The following MACROD2 variants were observed in gnomAD, a reference collection of about 807,000 sequenced individuals.
The protein encoded by MACROD2 is mono-ADP ribosylhydrolase 2, also known as ADP-ribose glycohydrolase MACROD2.
In MACROD2, 36 loss-of-function variants were observed where a neutral mutation model predicts 70.4. That is an observed-to-expected ratio of 0.51 (90% CI 0.39 to 0.68). The LOEUF (loss-of-function observed/expected upper bound fraction) is 0.68, where lower values mean the gene tolerates loss of function less well. MACROD2 is among the 30% of genes least tolerant of loss of function. The pLI is 0.00. For missense variants in MACROD2, 496 were observed against 538.4 expected (o/e 0.92, Z 0.78); for synonymous variants, 172 against 178.8 (o/e 0.96, Z 0.30).
At chr20:14,146,588 C>A (rs1268022841) in intron 3 of MACROD2, among the ~76,000 whole-genome samples, 2 of 152,130 alleles carry the variant, frequency 1.3e-5, no homozygotes, top group Non-Finnish European at 2.9e-5. Flanking sequence ...ACTGTAGAAT[C>A]CACTGACTGA....
chr20:15,639,281 G>A (rs2049417203), intron 8 of MACROD2, among the ~76,000 whole-genome samples: 1 of 152,204 alleles, frequency 6.6e-6, no homozygotes, highest in South Asian at 2.1e-4. Flanking sequence ...TGAAATGGTA[G>A]GGAGGGTTAG....
rs547010719 is a variant in MACROD2 at position 14,225,400 on chromosome 20, T to C, written c.271+139672T>C. On this transcript the variant is annotated intron_variant, in intron 3 of 17. Coordinates refer to ENST00000684519, the MANE Select transcript of MACROD2 (RefSeq NM_001351661.2). ...CATCTAATAGCTTTCCTTGATACTTTTTATTTTTAACTATGATAGATATGT... is the reference window on the plus strand; with the variant it reads ...CATCTAATAGCTTTCCTTGATACTTCTTATTTTTAACTATGATAGATATGT... Among the ~76,000 whole-genome samples, 71 of 152,382 alleles carry C rather than the reference T, an allele frequency of 4.7e-4. 1 individual carries two copies. Among genetic ancestry groups the C allele is most frequent in the Non-Finnish European group, 7.5e-4 (51 of 68,034 alleles).
intron 3 of MACROD2, among the ~76,000 whole-genome samples, chr20:14,207,913 A>C (rs1348022665): frequency 1.3e-5 from 2 of 152,204 alleles, no homozygotes; most frequent in African/African-American, 4.8e-5. Flanking sequence ...GGAATTTTCA[A>C]ATGCCAGCCA....
At chr20:15,601,204 C>T (rs573739447) in intron 8 of MACROD2, among the ~76,000 whole-genome samples, 1 of 152,160 alleles carries the variant, frequency 6.6e-6, no homozygotes, top group Non-Finnish European at 1.5e-5. Flanking sequence ...TGTCAGCCCC[C>T]CTTATTGGCA....
intron 6 of MACROD2, among the ~76,000 whole-genome samples, chr20:15,286,901 G>A (rs1283174837): frequency 1.3e-5 from 2 of 152,050 alleles, no homozygotes; most frequent in African/African-American, 2.4e-5. Flanking sequence ...GCATGGGTTG[G>A]AGATACATAT....
intron 8 of MACROD2, among the ~76,000 whole-genome samples, chr20:15,709,537 C>G (rs2050593359): frequency 6.6e-6 from 1 of 152,048 alleles, no homozygotes; most frequent in African/African-American, 2.4e-5. Context: ...CATGATGGCA[C>G]AAGCCTGTAG....
At chr20:14,030,803 T>G (rs1426057664) in intron 2 of MACROD2, among the ~76,000 whole-genome samples, 2 of 149,902 alleles carry the variant, frequency 1.3e-5, no homozygotes, top group Non-Finnish European at 3.0e-5. Flanking sequence ...GAATTGCCAG[T>G]ACTTAATCAG....
chr20:15,239,953 C>T (rs961525809), intron 6 of MACROD2, among the ~76,000 whole-genome samples: 1 of 152,176 alleles, frequency 6.6e-6, no homozygotes, highest in Non-Finnish European at 1.5e-5. Flanking sequence ...CCACTACACA[C>T]ACTTGCTCTA....
At chr20:14,162,831 T>C (rs1380487511) in intron 3 of MACROD2, among the ~76,000 whole-genome samples, 1 of 152,108 alleles carries the variant, frequency 6.6e-6, no homozygotes, top group Non-Finnish European at 1.5e-5. Flanking sequence ...TCTTTGAACC[T>C]GTCTATATTT....
At chr20:14,425,510 A>ATAGT (rs1568606452) in intron 3 of MACROD2, among the ~76,000 whole-genome samples, 1 of 152,236 alleles carries the variant, frequency 6.6e-6, no homozygotes, top group East Asian at 1.9e-4. Flanking sequence ...CTTGGAGTTA[A>ATAGT]TAATAGCATT....
chr20:15,286,995 A>T lies in MACROD2; in HGVS notation c.540+56934A>T, dbSNP rs1438729230. On this transcript the variant is annotated intron_variant, in intron 6 of 17. Coordinates refer to ENST00000684519, the MANE Select transcript of MACROD2 (RefSeq NM_001351661.2). ...AAGAGACGCTACACTGCATTTCCCT[A>T]GTCAAGGTTTGTACAGTTCCATGCC... Among the ~76,000 whole-genome samples, 5 of 152,336 alleles carry T rather than the reference A, an allele frequency of 3.3e-5. No homozygotes were observed. In the South Asian group the frequency reaches 8.3e-4, roughly 25 times the overall value.
At chr20:14,510,902 A>G (rs1428161107) in intron 4 of MACROD2, among the ~76,000 whole-genome samples, 3 of 152,090 alleles carry the variant, frequency 2.0e-5, no homozygotes, top group Admixed American at 6.6e-5. Flanking sequence ...CTGATGTTAC[A>G]TGATAAGTAC....
At chr20:14,093,252 CT>C (rs546011508) in intron 3 of MACROD2, among the ~76,000 whole-genome samples, 123 of 145,654 alleles carry the variant, frequency 8.4e-4, no homozygotes, top group Middle Eastern at 3.5e-3. Flanking sequence ...GCTAATTAAA[CT>C]TTTTTTTTTT....
intron 5 of MACROD2, among the ~76,000 whole-genome samples, chr20:15,113,845 A>G (rs1034900082): frequency 6.6e-6 from 1 of 151,648 alleles, no homozygotes; most frequent in Admixed American, 6.6e-5. Flanking sequence ...ATGGAACAGG[A>G]TATCTCCAGA....
At chr20:14,387,428 T>C (rs1252257429) in intron 3 of MACROD2, among the ~76,000 whole-genome samples, 1 of 152,254 alleles carries the variant, frequency 6.6e-6, no homozygotes, top group Non-Finnish European at 1.5e-5. Flanking sequence ...TCCATTATTT[T>C]TGCAGTCAGC....
At chr20:14,433,968 G>A (rs920426500) in intron 3 of MACROD2, among the ~76,000 whole-genome samples, 1 of 152,136 alleles carries the variant, frequency 6.6e-6, no homozygotes, top group South Asian at 2.1e-4. Context: ...TTTAACCATG[G>A]TCATATATCA....
intron 8 of MACROD2, among the ~76,000 whole-genome samples, chr20:15,679,449 C>T (rs774399265): frequency 7.6e-4 from 114 of 149,834 alleles, no homozygotes; most frequent in Middle Eastern, 3.2e-3. Context: ...CCTTGGTGGC[C>T]CCCATGAACT....
At chr20:15,518,195 A>G (rs1343462180) in intron 8 of MACROD2, among the ~76,000 whole-genome samples, 1 of 152,234 alleles carries the variant, frequency 6.6e-6, no homozygotes, top group Non-Finnish European at 1.5e-5. Context: ...CTGACATTTA[A>G]TAGCTGAGAT....
rs190142063 is a variant in MACROD2, at chr20:15,909,659, G to T, written c.776-23617G>T. The stretch of plus-strand genomic sequence containing the variant: ...CTGCCTCAGCCTCCCAAGTAGCTGG[G>T]ACTACAGGCGCCCGCCACTGCGCCC... On this transcript the variant is annotated intron_variant, in intron 10 of 17. Transcript: ENST00000684519. Among the ~76,000 whole-genome samples the T allele has an allele frequency of 4.4e-3, 663 of 151,136 alleles. 16 individuals carry two copies. The highest frequency in any genetic ancestry group is 0.032 in the Admixed American group (479 of 15,168).
Sources: gnomAD v4.1 joint callset for allele counts (sites outside exome capture counted in the v4.1 genomes callset) on GRCh38, gnomAD v4.1.1 for gene constraint, MANE v1.5 for transcripts, NCBI Gene and HGNC (gene_info 2026-07-23, HGNC 2026-07-21) for gene names.